Variants in UTRN observed in about 807,000 individuals in gnomAD.
The protein encoded by UTRN is dystrophin-related protein 1.
In UTRN, 283 loss-of-function variants were observed where a neutral mutation model predicts 463.9. That is an observed-to-expected ratio of 0.61 (90% CI 0.55 to 0.67). UTRN has a LOEUF of 0.67. Ranked by LOEUF, UTRN falls within the 30% of genes least tolerant of loss-of-function variation. The pLI is 0.00. For synonymous variants in UTRN, 1,442 were observed against 1,431.5 expected, an observed-to-expected ratio of 1.01 and a Z score of -0.17; for missense variants, 3,922 against 4,084.3, an observed-to-expected ratio of 0.96 and a Z score of 1.08.
At chr6:144,427,135 G>A (rs1354083193) in intron 7 of UTRN, among the ~76,000 whole-genome samples, 1 of 152,056 alleles carries the variant, frequency 6.6e-6, no homozygotes, top group African/African-American at 2.4e-5. Flanking sequence ...CATTACACAG[G>A]AAAATCTGAT....
chr6:144,791,560 C>T (rs1350564125), intron 62 of UTRN, among the ~76,000 whole-genome samples: 3 of 145,878 alleles, frequency 2.1e-5, no homozygotes, highest in Non-Finnish European at 4.5e-5. Context: ...GATGACAAAG[C>T]GAGACCTTAA....
intron 51 of UTRN, among the ~76,000 whole-genome samples, chr6:144,626,018 C>T (rs1775907474): frequency 6.6e-6 from 1 of 152,128 alleles, no homozygotes; most frequent in Non-Finnish European, 1.5e-5. Context: ...ATTTCTATAG[C>T]TGTATCACAG....
intron 18 of UTRN, 95 bp from the exon 19 acceptor site, chr6:144,453,687 A>C: frequency 1.1e-6 from 1 of 944,278 alleles, no homozygotes; most frequent in South Asian, 2.1e-5. Context: ...ATTTAAAAAG[A>C]ATGTAGGAGG....
chr6:144,792,185 A>G (rs537291885), intron 62 of UTRN, among the ~76,000 whole-genome samples: 234 of 152,326 alleles, frequency 1.5e-3, no homozygotes, highest in African/African-American at 5.3e-3. Flanking sequence ...TGTCAATATC[A>G]CTGAGCTTGG....
chr6:144,370,816 T>C (rs1779917029), intron 2 of UTRN, among the ~76,000 whole-genome samples: 1 of 152,210 alleles, frequency 6.6e-6, no homozygotes, highest in Admixed American at 6.5e-5. Flanking sequence ...ATTTGAGACA[T>C]GGAGTCAAAG....
intron 2 of UTRN, among the ~76,000 whole-genome samples, chr6:144,376,385 G>A (rs944581681): frequency 4.0e-5 from 6 of 151,860 alleles, no homozygotes; most frequent in African/African-American, 1.5e-4. Flanking sequence ...AACTCGGGAG[G>A]CGTGAGTTGC....
chr6:144,816,692 G>T (rs1779109682), intron 65 of UTRN, among the ~76,000 whole-genome samples: 1 of 147,424 alleles, frequency 6.8e-6, no homozygotes, highest in South Asian at 2.1e-4. Context: ...TTTTTAAGTA[G>T]CTGGGACTGC....
At chr6:144,345,552 G>A (rs142529580) in intron 2 of UTRN, among the ~76,000 whole-genome samples, 347 of 152,276 alleles carry the variant, frequency 2.3e-3, no homozygotes, top group Non-Finnish European at 4.2e-3. Context: ...GCATGTGCCT[G>A]TGGTCCCAGC....
At chr6:144,364,450 G>A (rs1170007904) in intron 2 of UTRN, among the ~76,000 whole-genome samples, 2 of 152,002 alleles carry the variant, frequency 1.3e-5, no homozygotes, top group Non-Finnish European at 2.9e-5. Context: ...TTTGTGTGTG[G>A]GTGCTAATGT....
At chr6:144,521,503 C>T (rs1331772908) in intron 39 of UTRN, among the ~76,000 whole-genome samples, 1 of 151,972 alleles carries the variant, frequency 6.6e-6, no homozygotes, top group Non-Finnish European at 1.5e-5. Context: ...TAATCAAAAC[C>T]CTTTGTGCAT....
In UTRN at chr6:144,522,048, A is replaced by T; in HGVS notation, c.5610A>T (p.Thr1870=). 1 of 1,595,144 alleles carries T rather than the reference A, an allele frequency of 6.3e-7. No individual in the cohort carries two copies. Residue 1870 remains threonine, a synonymous_variant, in exon 40 of 75, where the codon ACA becomes ACT. Transcript: ENST00000367545. ...ASGIRSSLLP[T]DYLVEINKIL... Reference sequence around the variant, plus strand: ...GAATTAGATCATCACTTCTTCCTACAGATTATCTGGTTGAAATTAACAAAA... The same window carrying T: ...GAATTAGATCATCACTTCTTCCTACTGATTATCTGGTTGAAATTAACAAAA...
chr6:144,287,624 A>C (rs1443588539), intron 1 of UTRN, among the ~76,000 whole-genome samples: 1 of 152,226 alleles, frequency 6.6e-6, no homozygotes, highest in Non-Finnish European at 1.5e-5. Context: ...ATAATTCCTA[A>C]AATCTTAAAA....
Position 144,437,588 on chromosome 6 carries a change from A to G in UTRN, c.1083A>G (p.Ala361=). 6 of 1,611,740 alleles carry G rather than the reference A, an allele frequency of 3.7e-6. No homozygotes were observed. Among genetic ancestry groups the G allele is most frequent in the Non-Finnish European group, 5.1e-6 (6 of 1,179,238 alleles). ...THEAFMMELT[A]HQSSVGSVLQ... is the part of the protein sequence containing the mutation. ...AGGCTTTTATGATGGAACTGACTGC[A>G]CACCAGAGCAGTGTGGGCAGCGTCC... is the stretch of plus-strand genomic sequence containing the variant. The change falls in exon 11 of 75, where the codon GCA becomes GCG. Residue 361 remains alanine (A), a synonymous_variant. Transcript: ENST00000367545.
At position 144,417,665 on chromosome 6, in the gene UTRN, G is replaced by A. The variant is rs184787100; in HGVS notation, c.142-4213G>A. Reference sequence around the variant, plus strand: ...AAAATCAAAAGAAGAGTAATATTTTGTGACATGTGGGAATTATGTGAAATT... The same window carrying A: ...AAAATCAAAAGAAGAGTAATATTTTATGACATGTGGGAATTATGTGAAATT... On this transcript the variant is annotated intron_variant, in intron 3 of 74. Coordinates refer to ENST00000367545, the MANE Select transcript of UTRN (RefSeq NM_007124.3). 9.2e-5 allele frequency among the ~76,000 whole-genome samples: 14 copies of A among 152,238 alleles called. 1 individual carries two copies. The Middle Eastern group carries it at 0.014, about 148-fold the overall frequency.
rs771129191 is a variant in UTRN, at chr6:144,436,251, A to G, written c.1059+113A>G. On this transcript the variant is annotated intron_variant, in intron 10 of 74. Coordinates refer to ENST00000367545, the MANE Select transcript of UTRN (RefSeq NM_007124.3). ...TGAATTCTGTTCTTTGGAAAGGTCA[A>G]TGGTTTATTTCAGGAACTGTGATAT... The G allele has an allele frequency of 3.5e-4, 393 of 1,129,484 alleles. 2 individuals are homozygous for G. The highest frequency in any genetic ancestry group is 3.0e-3 in the Middle Eastern group (14 of 4,714). 70.0% of individuals were successfully genotyped at this position (1,129,484 alleles called of 1,614,324 possible).
intron 62 of UTRN, among the ~76,000 whole-genome samples, 156 bp downstream of exon 62, chr6:144,789,435 C>T (rs1476249278): frequency 6.6e-6 from 1 of 152,122 alleles, no homozygotes; most frequent in Non-Finnish European, 1.5e-5. Context: ...CAGAGGGTGG[C>T]AGTGCAAAGA....
At chr6:144,599,634 A>G (rs1015337853) in intron 51 of UTRN, among the ~76,000 whole-genome samples, 10 of 152,202 alleles carry the variant, frequency 6.6e-5, no homozygotes, top group Non-Finnish European at 1.0e-4. Flanking sequence ...AATAGCATTT[A>G]CACTTTTACT....
At chr6:144,579,018 A>T (rs1367460793) in intron 51 of UTRN, among the ~76,000 whole-genome samples, 1 of 152,202 alleles carries the variant, frequency 6.6e-6, no homozygotes, top group African/African-American at 2.4e-5. Context: ...GAATGAGCTT[A>T]TTTATAAATT....
intron 51 of UTRN, among the ~76,000 whole-genome samples, chr6:144,624,500 C>T (rs1185635500): frequency 6.6e-6 from 1 of 152,090 alleles, no homozygotes; most frequent in African/African-American, 2.4e-5. Context: ...AGAAAATAGC[C>T]ACTGATACCT....
Sources: gnomAD v4.1 joint callset for allele counts (sites outside exome capture counted in the v4.1 genomes callset) on GRCh38, gnomAD v4.1.1 for gene constraint, MANE v1.5 for transcripts, NCBI Gene and HGNC (gene_info 2026-07-23, HGNC 2026-07-21) for gene names.